The following WDR17 variants were observed in gnomAD, a reference collection of about 807,000 sequenced individuals.
WDR17 encodes WD repeat domain 17.
In WDR17, 143 loss-of-function variants were observed where a neutral mutation model predicts 161.7. That is an observed-to-expected ratio of 0.88 (90% CI 0.77 to 1.02). The LOEUF (loss-of-function observed/expected upper bound fraction) is 1.02, where lower values mean the gene tolerates loss of function less well. Among genes scored for constraint, WDR17 ranks in the 50% least tolerant of loss-of-function variants. The pLI is 0.00. For synonymous variants in WDR17, 517 were observed against 515.6 expected, an observed-to-expected ratio of 1.00 and a Z score of -0.04; for missense variants, 1,469 against 1,520.9, an observed-to-expected ratio of 0.97 and a Z score of 0.57.
chr4:176,166,094 A>T lies in WDR17; in HGVS notation c.2991-2578A>T, dbSNP rs199620169. 4.7e-5 allele frequency: 52 copies of T among 1,102,712 alleles called. No homozygotes were observed. In the African/African-American group the frequency reaches 7.1e-4, roughly 15 times the overall value. The allele number at this position is 1,102,712 out of a possible 1,614,324, so 68.3% of individuals were successfully genotyped here. A position where few individuals can be genotyped will look rare whatever the true frequency, so the allele number is the denominator to read the frequency against. On this transcript the variant is annotated intron_variant, in intron 22 of 28. Coordinates refer to ENST00000508596, the MANE Select transcript of WDR17 (RefSeq NM_181265.4). ...TCTTTGTGGTATTCATCGTATAATCATGGTATTCATATTTAATATTTTCCT... is the reference window on the plus strand; with the variant it reads ...TCTTTGTGGTATTCATCGTATAATCTTGGTATTCATATTTAATATTTTCCT...
intron 1 of WDR17, among the ~76,000 whole-genome samples, chr4:176,105,104 T>C (rs558005665): frequency 6.7e-6 from 1 of 149,732 alleles, no homozygotes; most frequent in Non-Finnish European, 1.5e-5. Flanking sequence ...TTAGATGAAA[T>C]TGATTTTTAG....
At chr4:176,097,684 G>T (rs993505691) in intron 1 of WDR17, among the ~76,000 whole-genome samples, 3 of 150,362 alleles carry the variant, frequency 2.0e-5, no homozygotes, top group African/African-American at 7.3e-5. Context: ...AAATATTTCA[G>T]CTTATGAGTT....
intron 1 of WDR17, among the ~76,000 whole-genome samples, chr4:176,081,752 A>T (rs537059134): frequency 8.7e-4 from 132 of 152,162 alleles, no homozygotes; most frequent in Non-Finnish European, 1.7e-3. Flanking sequence ...AGGGCAGGAG[A>T]ATAACACCAT....
At position 176,174,642 on chromosome 4, in the gene WDR17, T is replaced by C; in HGVS notation, c.3373T>C (p.Cys1125Arg). 2 of 1,610,946 alleles carry C rather than the reference T, an allele frequency of 1.2e-6. No homozygotes were observed. The highest frequency in any genetic ancestry group is 1.3e-5 in the African/African-American group (1 of 74,988). Residue 1125 changes from cysteine (C) to arginine (R), a missense_variant, in exon 26 of 29, where the codon TGT (cysteine) becomes CGT (arginine). Physicochemically the swap from Cys to Arg is radical, Grantham distance 180 (BLOSUM62 -3). Coordinates refer to ENST00000508596, the MANE Select transcript of WDR17 (RefSeq NM_181265.4). ...AGCTCGAAATGAGTTGCTGATATTATGTGGTTACATTGGTGCATTACTGGC... is the reference window on the plus strand; with the variant it reads ...AGCTCGAAATGAGTTGCTGATATTACGTGGTTACATTGGTGCATTACTGGC... ...TEARNELLILCGYIGALLAIR... is the reference protein window; with the variant it reads ...TEARNELLILRGYIGALLAIR...
At chr4:176,144,672 C>A (rs560520885) in intron 11 of WDR17, among the ~76,000 whole-genome samples, 2 of 152,250 alleles carry the variant, frequency 1.3e-5, no homozygotes, top group East Asian at 3.9e-4. Context: ...CCAAGCATAT[C>A]TAATAAACTT....
intron 6 of WDR17, among the ~76,000 whole-genome samples, chr4:176,129,355 G>A (rs1742989562): frequency 6.6e-6 from 1 of 151,956 alleles, no homozygotes; most frequent in South Asian, 2.1e-4. Context: ...TGGATCTTCT[G>A]TGTCTTCTTT....
chr4:176,100,789 A>T (rs1173202984), intron 1 of WDR17, among the ~76,000 whole-genome samples: 2 of 151,882 alleles, frequency 1.3e-5, no homozygotes, highest in Non-Finnish European at 2.9e-5. Flanking sequence ...GTCTAGTTTT[A>T]TTCTCCTGTA....
chr4:176,135,906 TAATATATTAATTC>T (rs1371468177), intron 8 of WDR17, among the ~76,000 whole-genome samples: 2 of 151,662 alleles, frequency 1.3e-5, no homozygotes, highest in African/African-American at 4.8e-5. Flanking sequence ...GGCTTAATAG[TAATATATTAATTC>T]AATAACTACA....
At chr4:176,130,473 G>A (rs28570421) in intron 6 of WDR17, among the ~76,000 whole-genome samples, 92,880 of 151,864 alleles carry the variant, frequency 0.61, 28,668 homozygotes, top group South Asian at 0.69. Context: ...GGCCGGGCGC[G>A]GTGGCTCATG....
At chr4:176,104,784 T>A (rs1738427191) in intron 1 of WDR17, among the ~76,000 whole-genome samples, 1 of 151,668 alleles carries the variant, frequency 6.6e-6, no homozygotes, top group South Asian at 2.1e-4. Context: ...ACTGCAAAAA[T>A]TAACTAAACA....
intron 1 of WDR17, chr4:176,096,401 T>C: frequency 1.4e-6 from 1 of 696,478 alleles, no homozygotes; most frequent in South Asian, 2.2e-5. Context: ...GTACTGAACA[T>C]CATTTCACAA....
intron 22 of WDR17, among the ~76,000 whole-genome samples, chr4:176,163,946 T>G (rs1227162797): frequency 6.6e-6 from 1 of 152,226 alleles, no homozygotes; most frequent in African/African-American, 2.4e-5. Context: ...TTTTATCTTT[T>G]CTTTCTCTCA....
chr4:176,093,237 G>A (rs1322015804), intron 1 of WDR17, among the ~76,000 whole-genome samples: 1 of 152,084 alleles, frequency 6.6e-6, no homozygotes, highest in Non-Finnish European at 1.5e-5. Context: ...GAAAGAATCA[G>A]TATTGTTAAA....
intron 18 of WDR17, 130 bp downstream of exon 18, chr4:176,156,273 G>A: frequency 1.2e-6 from 1 of 821,164 alleles, no homozygotes; most frequent in Non-Finnish European, 1.8e-6. Context: ...ATTAAATTTT[G>A]TATCTACTGA....
At chr4:176,091,279 T>G (rs1736090581) in intron 1 of WDR17, among the ~76,000 whole-genome samples, 1 of 152,182 alleles carries the variant, frequency 6.6e-6, no homozygotes, top group Non-Finnish European at 1.5e-5. Context: ...TCAAAAGAGT[T>G]GAAATCATAT....
At chr4:176,083,301 T>C (rs866930197) in intron 1 of WDR17, among the ~76,000 whole-genome samples, 2 of 152,156 alleles carry the variant, frequency 1.3e-5, no homozygotes, top group African/African-American at 4.8e-5. Context: ...TGATTCGTGC[T>C]ACACAAACAT....
chr4:176,179,196 C>G (rs976010400), intron 28 of WDR17, among the ~76,000 whole-genome samples: 1 of 152,100 alleles, frequency 6.6e-6, no homozygotes, highest in South Asian at 2.1e-4. Context: ...ATTGGCATTA[C>G]TATTGTATTT....
At chr4:176,120,165 G>A (rs1349690130) in intron 4 of WDR17, 68 bp downstream of exon 4, 28 of 1,246,322 alleles carry the variant, frequency 2.2e-5, no homozygotes, top group Non-Finnish European at 3.0e-5. Flanking sequence ...GTACTTGCTT[G>A]GTCTTTCTAG....
intron 3 of WDR17, among the ~76,000 whole-genome samples, chr4:176,118,484 C>T (rs1266101190): frequency 6.6e-6 from 1 of 152,106 alleles, no homozygotes; most frequent in Non-Finnish European, 1.5e-5. Flanking sequence ...ATGGAGTCCT[C>T]ATTATGGGTC....
Sources: allele counts gnomAD v4.1 joint callset (sites outside exome capture counted in the v4.1 genomes callset), GRCh38; gene constraint gnomAD v4.1.1; transcripts MANE v1.5; gene names NCBI Gene and HGNC (gene_info 2026-07-23, HGNC 2026-07-21).